ZFP69: variants seen among roughly 807,000 people sequenced by gnomAD.
ZFP69 encodes zinc finger protein 69 homolog.
Under a neutral mutation model 48.9 loss-of-function variants are expected in ZFP69, and 35 were observed. That is an observed-to-expected ratio of 0.72 (90% CI 0.55 to 0.95). The LOEUF (loss-of-function observed/expected upper bound fraction) is 0.95. Among genes scored for constraint, ZFP69 ranks in the 40% least tolerant of loss-of-function variants. The pLI, the probability that ZFP69 is intolerant of heterozygous loss-of-function variation, is 0.00. For synonymous variants in ZFP69, 193 were observed against 216.8 expected (o/e 0.89, Z 0.96); for missense variants, 557 against 638.4 (o/e 0.87, Z 1.37).
intron 3 of ZFP69, among the ~76,000 whole-genome samples, chr1:40,487,864 T>C (rs1645518125): frequency 6.6e-6 from 1 of 151,948 alleles, no homozygotes; most frequent in Admixed American, 6.6e-5. Context: ...CTGACCAACA[T>C]GGTGAAACCC....
rs1024928185 is a variant in ZFP69, at chr1:40,477,613, C to T, written c.-608C>T. 2.0e-5 allele frequency: 3 copies of T among 152,252 alleles called. No individual in the cohort carries two copies. The highest frequency in any genetic ancestry group is 7.2e-5 in the African/African-American group (3 of 41,466). The allele number at this position is 152,252 out of a possible 1,614,324, so 9.4% of individuals were successfully genotyped here. A position where few individuals can be genotyped will look rare whatever the true frequency, so the allele number is the denominator to read the frequency against. ...GGGGGCGCTGCTGGGAAAGCCCACCCGCCTGGGCGGGCCCTTGATGGGAAT... is the reference window on the plus strand; with the variant it reads ...GGGGGCGCTGCTGGGAAAGCCCACCTGCCTGGGCGGGCCCTTGATGGGAAT... On this transcript the variant is annotated 5_prime_UTR_variant, in exon 1 of 6. Transcript: ENST00000372706. This position sits in a 1 kb window ranked among gnomAD's most constrained non-coding sequence, Gnocchi z 4.0.
chr1:40,485,765 TTTTC>T (rs1226197917), intron 3 of ZFP69, among the ~76,000 whole-genome samples: 3 of 152,216 alleles, frequency 2.0e-5, no homozygotes, highest in African/African-American at 4.8e-5. Flanking sequence ...GTTGACTGCT[TTTTC>T]TTTAAGTAGT....
In ZFP69 at chr1:40,495,369, A is replaced by G; in HGVS notation, c.891A>G (p.Lys297=). The change falls in exon 6 of 6, where the codon AAA becomes AAG. Residue 297 remains lysine, a synonymous_variant. Coordinates refer to ENST00000372706, the MANE Select transcript of ZFP69 (RefSeq NM_001320179.2). The part of the protein sequence containing the change: ...TEHMRIHTGE[K]PFRCKECGRA... ...ATATGAGAATTCATACTGGTGAGAA[A>G]CCTTTCAGATGTAAGGAATGTGGAA... 3.1e-6 allele frequency: 5 copies of G among 1,614,194 alleles called. No homozygotes were observed. The highest frequency in any genetic ancestry group is 3.4e-6 in the Non-Finnish European group (4 of 1,180,030).
chr1:40,488,652 C>T (rs534575372), intron 3 of ZFP69, among the ~76,000 whole-genome samples: 97 of 152,302 alleles, frequency 6.4e-4, no homozygotes, highest in Non-Finnish European at 1.2e-3. Context: ...ACCTTAGGTC[C>T]TTTGCACCTG....
Position 40,489,210 on chromosome 1 carries a change from A to G in ZFP69, c.342A>G (p.Ser114=), listed in dbSNP as rs1397053252. The change falls in exon 4 of 6, where the codon TCA becomes TCG. Residue 114 remains serine, a synonymous_variant. Coordinates refer to ENST00000372706, the MANE Select transcript of ZFP69 (RefSeq NM_001320179.2). ...VMLENYSNLV[S]VGYQLSKPSV... ...TGGAGAACTACAGCAACTTGGTGTCAGTGGGTAAGACTTGGCTATCCATGC... is the reference window on the plus strand; with the variant it reads ...TGGAGAACTACAGCAACTTGGTGTCGGTGGGTAAGACTTGGCTATCCATGC... The G allele has an allele frequency of 4.3e-6, 7 of 1,614,088 alleles. No homozygotes were observed. Among genetic ancestry groups the G allele is most frequent in the South Asian group, 1.1e-5 (1 of 91,076 alleles).
intron 3 of ZFP69, among the ~76,000 whole-genome samples, chr1:40,487,844 C>T (rs756989244): frequency 2.6e-5 from 4 of 151,698 alleles, no homozygotes; most frequent in South Asian, 2.1e-4. Context: ...GCCAGGAGTT[C>T]GAGACCAGTC....
rs1236529412 is a variant in ZFP69 at position 40,487,166 on chromosome 1, GC to G, written c.220-1919del. Among the ~76,000 whole-genome samples the G allele has an allele frequency of 2.0e-5, 3 of 151,502 alleles. No individual in the cohort carries two copies. The East Asian group carries it at 5.9e-4, about 30-fold the overall frequency. On this transcript the variant is annotated intron_variant, in intron 3 of 5. Transcript: ENST00000372706. ...TCTTGATATCTTGACCTCATGATCCGCCCGCATCAGCCTCCCAAAGTGCTGG... is the reference window on the plus strand; with the variant it reads ...TCTTGATATCTTGACCTCATGATCCGCCGCATCAGCCTCCCAAAGTGCTGG...
chr1:40,493,138 T>A (rs1169030382), intron 5 of ZFP69: 1 of 151,066 alleles, frequency 6.6e-6, no homozygotes, highest in African/African-American at 2.4e-5. Flanking sequence ...GGCAGGAGAA[T>A]CGCTTGAACC....
intron 3 of ZFP69, among the ~76,000 whole-genome samples, chr1:40,488,848 A>G (rs918911506): frequency 1.3e-5 from 2 of 151,936 alleles, no homozygotes; most frequent in African/African-American, 4.9e-5. Context: ...ATGTATCACC[A>G]TCTGTCTTTC....
rs867901620 is a variant in ZFP69, at chr1:40,495,577, AAC to A, written c.1101_1102del (p.Ile368Ter). 6.2e-7 allele frequency: 1 copy of A among 1,614,252 alleles called. No individual in the cohort carries two copies. ...CDKCQKAFSQ[N>X]ISLVQHLRTH... ...TAAATGTCAGAAAGCTTTCAGCCAG[AAC>A]ATTAGCTTGGTTCAACATTTGAGGA... On this transcript the variant is annotated frameshift_variant, in exon 6 of 6. Coordinates refer to ENST00000372706, the MANE Select transcript of ZFP69 (RefSeq NM_001320179.2). LOFTEE classifies it high-confidence loss of function.
chr1:40,481,785 G>C lies in ZFP69; in HGVS notation c.150G>C (p.Glu50Asp), dbSNP rs1557539674. 1.2e-6 allele frequency: 2 copies of C among 1,611,948 alleles called. No homozygotes were observed. Among genetic ancestry groups the C allele is most frequent in the Non-Finnish European group, 1.7e-6 (2 of 1,178,530 alleles). ...CAGCTCTGCTGTCTCAGGATGCTGA[G>C]GACGTAAAGACCCAGAGAGAAAGTT... ...EGEALLSQDA[E>D]DVKTQRESLE... is the part of the protein sequence containing the mutation. Residue 50 changes from glutamate to aspartate, a missense_variant, in exon 3 of 6, where the codon GAG becomes GAC. Physicochemically the swap from Glu to Asp is conservative, Grantham distance 45. Coordinates refer to ENST00000372706, the MANE Select transcript of ZFP69 (RefSeq NM_001320179.2).
chr1:40,484,891 T>TTTTTG (rs1466546672), intron 3 of ZFP69, among the ~76,000 whole-genome samples: 3 of 127,628 alleles, frequency 2.4e-5, no homozygotes, highest in East Asian at 2.4e-4. Flanking sequence ...TGCTTTTTTT[T>TTTTTG]TTTTTTTTTT....
intron 2 of ZFP69, among the ~76,000 whole-genome samples, chr1:40,480,212 G>A (rs1029310518): frequency 2.0e-5 from 3 of 151,476 alleles, no homozygotes; most frequent in Non-Finnish European, 2.9e-5. Flanking sequence ...ATAGAAAGCA[G>A]CCTAAGAAAA....
At chr1:40,483,430 A>G (rs978129621) in intron 3 of ZFP69, among the ~76,000 whole-genome samples, 9 of 151,942 alleles carry the variant, frequency 5.9e-5, no homozygotes, top group African/African-American at 1.9e-4. Context: ...GGGTCTTACT[A>G]TGTTGTCCAA....
intron 3 of ZFP69, among the ~76,000 whole-genome samples, chr1:40,483,508 C>T (rs1001959712): frequency 1.3e-5 from 2 of 152,142 alleles, no homozygotes; most frequent in South Asian, 2.1e-4. Context: ...GGATTACAGA[C>T]GAGCCACTGC....
At position 40,496,133 on chromosome 1, in the gene ZFP69, C is replaced by CAA. The variant is rs1645633630; in HGVS notation, c.*75_*76insAA. ...TAGAGTGCTTTAAAATTTCAGGACT[C>CAA]AGATATGAGGAATTGATGTAATGAT... is the stretch of plus-strand genomic sequence containing the variant. On this transcript the variant is annotated 3_prime_UTR_variant, in exon 6 of 6. Transcript: ENST00000372706. 1 of 1,444,632 alleles carries CAA rather than the reference C, an allele frequency of 6.9e-7. No homozygotes were observed. The highest frequency in any genetic ancestry group is 2.0e-4 in the Middle Eastern group (1 of 4,922). 89.5% of individuals were successfully genotyped at this position (1,444,632 alleles called of 1,614,324 possible). A position where few individuals can be genotyped will look rare whatever the true frequency, so the allele number is the denominator to read the frequency against.
At position 40,496,337 on chromosome 1, in the gene ZFP69, A is replaced by G. The variant is rs550688442; in HGVS notation, c.*278A>G. 9.8e-5 allele frequency: 25 copies of G among 255,830 alleles called. No individual in the cohort carries two copies. Among genetic ancestry groups the G allele is most frequent in the Non-Finnish European group, 1.4e-4 (19 of 134,688 alleles). The allele number at this position is 255,830 out of a possible 1,614,324, so 15.8% of individuals were successfully genotyped here. A position where few individuals can be genotyped will look rare whatever the true frequency, so the allele number is the denominator to read the frequency against. On this transcript the variant is annotated 3_prime_UTR_variant, in exon 6 of 6. Transcript: ENST00000372706. ...ATGGTGGATTAATAAATTATTCTTC[A>G]TGGGTATTCATGATTTGCAGACCAG...
At chr1:40,483,936 C>T (rs951755276) in intron 3 of ZFP69, among the ~76,000 whole-genome samples, 3 of 151,950 alleles carry the variant, frequency 2.0e-5, no homozygotes, top group Admixed American at 6.6e-5. Flanking sequence ...ATTAGCTGGA[C>T]GTGGTGGTGT....
chr1:40,479,359 A>G lies in ZFP69; in HGVS notation c.-3A>G, dbSNP rs77179720. 19,322 of 1,613,552 alleles carry G rather than the reference A, an allele frequency of 0.012. 146 individuals carry two copies. The highest frequency in any genetic ancestry group is 0.03 in the Middle Eastern group (182 of 5,974). On this transcript the variant is annotated 5_prime_UTR_variant, in exon 2 of 6. Transcript: ENST00000372706. The stretch of plus-strand genomic sequence containing the variant: ...AGTGGACAAGTCCAGTAAGGCAGGC[A>G]TCATGCCACAGCAGCTCCTGATCAC...
Sources: gnomAD v4.1 joint callset for allele counts (sites outside exome capture counted in the v4.1 genomes callset) on GRCh38, gnomAD v4.1.1 for gene constraint, Gnocchi (gnomAD v3.1) non-coding constraint, MANE v1.5 for transcripts, NCBI Gene and HGNC (gene_info 2026-07-23, HGNC 2026-07-21) for gene names.